The following VPS41 variants were observed in gnomAD, a reference collection of about 807,000 sequenced individuals.
VPS41 encodes the protein VPS41 subunit of HOPS complex.
A neutral mutation model predicts 130.9 loss-of-function variants in VPS41; 85 were observed. The ratio of observed to expected loss-of-function variants is 0.65; its 90% CI spans 0.55 to 0.78. The LOEUF is 0.78. VPS41 is among the 30% of genes least tolerant of loss of function. The pLI, the probability that VPS41 is intolerant of heterozygous loss-of-function variation, is 0.00. For missense variants in VPS41, 874 were observed against 1,018.7 expected (o/e 0.86, Z 1.93); for synonymous variants, 335 against 332.9 (o/e 1.01, Z -0.07).
At chr7:38,778,757 AAG>A (rs1256168464) in intron 10 of VPS41, among the ~76,000 whole-genome samples, 1 of 152,124 alleles carries the variant, frequency 6.6e-6, no homozygotes, top group Non-Finnish European at 1.5e-5. Context: ...CTAATCACAA[AAG>A]AAGGGGTGGG....
At chr7:38,801,274 T>G (rs868000581) in intron 7 of VPS41, among the ~76,000 whole-genome samples, 1 of 152,176 alleles carries the variant, frequency 6.6e-6, no homozygotes, top group African/African-American at 2.4e-5. Flanking sequence ...CCAATGACAT[T>G]TCTACAATGC....
At chr7:38,789,905 T>C (rs897859406) in intron 9 of VPS41, 38 bp from the exon 10 acceptor site, 1 of 1,606,302 alleles carries the variant, frequency 6.2e-7, no homozygotes, top group Non-Finnish European at 8.5e-7. Context: ...ATTCATTTGA[T>C]GGAAAATTCT....
chr7:38,732,959 C>T (rs1463806896), intron 25 of VPS41, among the ~76,000 whole-genome samples: 1 of 152,182 alleles, frequency 6.6e-6, no homozygotes, highest in Non-Finnish European at 1.5e-5. Context: ...TCCCATGTAG[C>T]TGGGACCACA....
chr7:38,814,939 C>T (rs1009680413), intron 7 of VPS41, among the ~76,000 whole-genome samples: 6 of 152,184 alleles, frequency 3.9e-5, no homozygotes, highest in African/African-American at 1.2e-4. Context: ...CATCTTAGAA[C>T]CTGACCTTCC....
At chr7:38,793,990 T>C (rs985706751) in intron 9 of VPS41, among the ~76,000 whole-genome samples, 5 of 152,184 alleles carry the variant, frequency 3.3e-5, no homozygotes, top group Non-Finnish European at 5.9e-5. Context: ...TAAAGAAACA[T>C]TTATAGGTTC....
Position 38,767,518 on chromosome 7 carries a change from G to A in VPS41, c.1247+19C>T. On this transcript the variant is annotated intron_variant, in intron 15 of 28. Transcript: ENST00000310301. ...ATTCTATTTATATTAACAAATAATT[G>A]TGAAAATGTCATCATTACCGTGCTG... The A allele has an allele frequency of 6.4e-7, 1 of 1,553,268 alleles. No individual in the cohort carries two copies.
At chr7:38,884,374 T>C (rs866873517) in intron 2 of VPS41, among the ~76,000 whole-genome samples, 2 of 152,238 alleles carry the variant, frequency 1.3e-5, no homozygotes, top group African/African-American at 2.4e-5. Context: ...CTTGGTTTTA[T>C]TAAAATTTAC....
intron 25 of VPS41, among the ~76,000 whole-genome samples, chr7:38,733,500 C>T (rs937131362): frequency 5.3e-5 from 8 of 152,118 alleles, no homozygotes; most frequent in Non-Finnish European, 1.2e-4. Flanking sequence ...TATAAGCATG[C>T]AGTTTTGAAG....
At chr7:38,805,487 C>T (rs562177214) in intron 7 of VPS41, among the ~76,000 whole-genome samples, 4 of 151,780 alleles carry the variant, frequency 2.6e-5, no homozygotes, top group South Asian at 2.1e-4. Flanking sequence ...GAGCCGAGAT[C>T]GCGCCACTGC....
At chr7:38,892,727 A>C (rs1452359681) in intron 2 of VPS41, among the ~76,000 whole-genome samples, 2 of 152,206 alleles carry the variant, frequency 1.3e-5, no homozygotes, top group Non-Finnish European at 2.9e-5. Flanking sequence ...AGAAAAGAAT[A>C]ATCTAAACAT....
chr7:38,763,688 G>T, intron 16 of VPS41, 141 bp from the exon 17 acceptor site: 2 of 509,036 alleles, frequency 3.9e-6, no homozygotes, highest in Admixed American at 3.7e-5. Flanking sequence ...GTTTTGAACA[G>T]GATTTAAATG....
At chr7:38,757,604 C>A (rs1320876359) in intron 18 of VPS41, among the ~76,000 whole-genome samples, 4 of 152,126 alleles carry the variant, frequency 2.6e-5, no homozygotes, top group Admixed American at 1.3e-4. Context: ...ATAAACACAA[C>A]CTCCTCTTGT....
At chr7:38,828,911 G>A (rs1239705138) in intron 5 of VPS41, among the ~76,000 whole-genome samples, 2 of 152,102 alleles carry the variant, frequency 1.3e-5, no homozygotes, top group Non-Finnish European at 2.9e-5. Context: ...AAAATTCCTA[G>A]ATGAAGTATT....
intron 2 of VPS41, among the ~76,000 whole-genome samples, chr7:38,881,253 C>T (rs1234869440): frequency 6.6e-6 from 1 of 152,122 alleles, no homozygotes; most frequent in African/African-American, 2.4e-5. Context: ...CTGAAAGCGC[C>T]AGCATTCCTT....
chr7:38,833,662 C>T (rs1051272726), intron 4 of VPS41, among the ~76,000 whole-genome samples: 2 of 152,176 alleles, frequency 1.3e-5, no homozygotes, highest in African/African-American at 2.4e-5. Context: ...TGTTTTGTCT[C>T]CTTAGCACTT....
intron 4 of VPS41, among the ~76,000 whole-genome samples, chr7:38,851,082 A>T (rs1363821634): frequency 6.6e-6 from 1 of 152,198 alleles, no homozygotes; most frequent in African/African-American, 2.4e-5. Flanking sequence ...CACCCCACCC[A>T]AAGATTTCAC....
chr7:38,856,961 G>T (rs146366293), intron 4 of VPS41, among the ~76,000 whole-genome samples: 6 of 152,340 alleles, frequency 3.9e-5, no homozygotes, highest in African/African-American at 1.4e-4. Context: ...TTCACCAAAT[G>T]ATCAGGGTCT....
At chr7:38,764,150 T>C (rs1429192480) in intron 16 of VPS41, among the ~76,000 whole-genome samples, 1 of 152,160 alleles carries the variant, frequency 6.6e-6, no homozygotes, top group Non-Finnish European at 1.5e-5. Flanking sequence ...TGCAGACAAT[T>C]AAACAGACAA....
At chr7:38,829,505 C>T (rs2116165788) in intron 5 of VPS41, among the ~76,000 whole-genome samples, 1 of 152,168 alleles carries the variant, frequency 6.6e-6, no homozygotes, top group East Asian at 1.9e-4. Flanking sequence ...AGAAAAGTAG[C>T]TTAAATACAC....
Sources: gnomAD v4.1 joint callset for allele counts (sites outside exome capture counted in the v4.1 genomes callset) on GRCh38, gnomAD v4.1.1 for gene constraint, MANE v1.5 for transcripts, NCBI Gene and HGNC (gene_info 2026-07-23, HGNC 2026-07-21) for gene names.